The following TET2 variants were observed in gnomAD, a reference collection of about 807,000 sequenced individuals.
The protein encoded by TET2 is tet methylcytosine dioxygenase 2, also known as methylcytosine dioxygenase TET2.
A neutral mutation model predicts 142.9 loss-of-function variants in TET2; 299 were observed. The ratio of observed to expected loss-of-function variants is 2.09; its 90% CI spans 1.90 to 2.30. The LOEUF (loss-of-function observed/expected upper bound fraction) is 2.30, where lower values mean the gene tolerates loss of function less well. Ranked by LOEUF, TET2 falls within the 30% of genes most tolerant of loss-of-function variation. The pLI, the probability that TET2 is intolerant of heterozygous loss-of-function variation, is 0.00. For missense variants in TET2, 2,418 were observed against 2,378.0 expected, an observed-to-expected ratio of 1.02 and a Z score of -0.35; for synonymous variants, 819 against 849.0, an observed-to-expected ratio of 0.96 and a Z score of 0.61.
chr4:105,245,214 G>A (rs537778724), intron 6 of TET2, among the ~76,000 whole-genome samples: 9 of 152,242 alleles, frequency 5.9e-5, no homozygotes, highest in African/African-American at 2.2e-4. Flanking sequence ...TGATAATTAT[G>A]ATCCAAAAAT....
At chr4:105,200,701 A>AT (rs1386864928) in intron 2 of TET2, among the ~76,000 whole-genome samples, 1 of 151,490 alleles carries the variant, frequency 6.6e-6, no homozygotes, top group Non-Finnish European at 1.5e-5. Context: ...TCACGCTGTC[A>AT]CCAGTCTGGA....
At chr4:105,149,963 T>C (rs908551202) in intron 1 of TET2, among the ~76,000 whole-genome samples, 3 of 152,232 alleles carry the variant, frequency 2.0e-5, no homozygotes, top group South Asian at 4.1e-4. Flanking sequence ...TAACAACAAC[T>C]GGAGTTAATG....
Position 105,219,232 on chromosome 4 carries a change from C to T in TET2, c.-46-14665C>T, listed in dbSNP as rs181297927. On this transcript the variant is annotated intron_variant, in intron 2 of 10. Transcript: ENST00000380013. The stretch of plus-strand genomic sequence containing the variant: ...TCTTCATCTTACTCTCAAAAATAAC[C>T]GTAATATCCTACAAATTAACTAAAA... Among the ~76,000 whole-genome samples the T allele has an allele frequency of 9.2e-5, 14 of 152,034 alleles. No homozygotes were observed. The East Asian group carries it at 2.1e-3, about 23-fold the overall frequency.
At chr4:105,203,665 G>C (rs1726612638) in intron 2 of TET2, among the ~76,000 whole-genome samples, 2 of 151,942 alleles carry the variant, frequency 1.3e-5, no homozygotes, top group Admixed American at 1.3e-4. Flanking sequence ...CTGGCTTTGG[G>C]AAACACATCT....
At chr4:105,249,769 T>C (rs1169647024) in intron 6 of TET2, among the ~76,000 whole-genome samples, 2 of 152,212 alleles carry the variant, frequency 1.3e-5, no homozygotes, top group Non-Finnish European at 2.9e-5. Flanking sequence ...AATTGTATTA[T>C]TTTTAGAGTT....
chr4:105,200,856 T>G (rs1301980513), intron 2 of TET2, among the ~76,000 whole-genome samples: 3 of 152,094 alleles, frequency 2.0e-5, no homozygotes, highest in Non-Finnish European at 4.4e-5. Flanking sequence ...AGATGGGGTT[T>G]CACCATGTTG....
chr4:105,192,749 CAAAAT>C (rs775021886), intron 2 of TET2, among the ~76,000 whole-genome samples: 8 of 151,776 alleles, frequency 5.3e-5, no homozygotes, highest in Admixed American at 1.3e-4. Context: ...CAGACACATA[CAAAAT>C]AAAATGTATA....
intron 2 of TET2, among the ~76,000 whole-genome samples, chr4:105,200,230 C>G: frequency 6.6e-6 from 1 of 152,216 alleles, no homozygotes; most frequent in Middle Eastern, 3.4e-3. Context: ...TAATAATAGC[C>G]GTCCTGACTG....
At chr4:105,173,801 G>T (rs900064159) in intron 1 of TET2, among the ~76,000 whole-genome samples, 2 of 152,086 alleles carry the variant, frequency 1.3e-5, no homozygotes, top group African/African-American at 4.8e-5. Context: ...TAGAATTCCT[G>T]TTAACAAAGT....
intron 2 of TET2, among the ~76,000 whole-genome samples, chr4:105,229,506 T>G (rs1728376369): frequency 6.6e-6 from 1 of 152,044 alleles, no homozygotes. Context: ...TGGCGGTGTT[T>G]GACCACGTTG....
chr4:105,267,810 TAA>T (rs1399143689), intron 8 of TET2, among the ~76,000 whole-genome samples: 1 of 151,586 alleles, frequency 6.6e-6, no homozygotes, highest in African/African-American at 2.4e-5. Context: ...ACAAATAAAT[TAA>T]AAAGATATTT....
chr4:105,157,237 AAAG>A (rs1338072851), intron 1 of TET2, among the ~76,000 whole-genome samples: 7 of 152,154 alleles, frequency 4.6e-5, no homozygotes, highest in African/African-American at 1.2e-4. Flanking sequence ...TAACTGATGA[AAAG>A]AAGAATACCA....
chr4:105,248,614 C>G (rs958203766), intron 6 of TET2, among the ~76,000 whole-genome samples: 7 of 152,158 alleles, frequency 4.6e-5, no homozygotes, highest in Non-Finnish European at 1.0e-4. Context: ...ATTAGAAAAT[C>G]AACTTTAAGT....
intron 2 of TET2, among the ~76,000 whole-genome samples, chr4:105,215,482 A>C (rs576242827): frequency 3.9e-5 from 6 of 152,312 alleles, no homozygotes; most frequent in Non-Finnish European, 1.5e-5. Flanking sequence ...TTTTATTTAA[A>C]ATTTAAATTA....
At chr4:105,241,282 G>A in intron 3 of TET2, 57 bp from the exon 4 acceptor site, 1 of 1,488,736 alleles carries the variant, frequency 6.7e-7, no homozygotes. Flanking sequence ...TGTGGATGTA[G>A]CCTTTATATT....
rs1168368034 is a variant in TET2 at position 105,275,376 on chromosome 4, G to A, written c.4866G>A (p.Leu1622=). 1 of 1,551,614 alleles carries A rather than the reference G, an allele frequency of 6.4e-7. No individual in the cohort carries two copies. The highest frequency in any genetic ancestry group is 8.7e-7 in the Non-Finnish European group (1 of 1,146,972). Residue 1622 remains leucine (L), a synonymous_variant, in exon 11 of 11, where the codon TTG becomes TTA. Transcript: ENST00000380013. ...CCATGAACCCTTACCCTGGGCTTTT[G>A]AATCAGAATACCCAATATCCATCAT... ...SNPMNPYPGL[L]NQNTQYPSYQ... is the part of the protein sequence containing the mutation.
chr4:105,220,725 C>T (rs1373292036), intron 2 of TET2, among the ~76,000 whole-genome samples: 1 of 152,168 alleles, frequency 6.6e-6, no homozygotes, highest in Admixed American at 6.6e-5. Flanking sequence ...TACTGGCTTT[C>T]TTGACATATA....
At chr4:105,175,570 C>T (rs576718735) in intron 1 of TET2, among the ~76,000 whole-genome samples, 2 of 151,892 alleles carry the variant, frequency 1.3e-5, no homozygotes, top group Admixed American at 1.3e-4. Flanking sequence ...AGAGATTATT[C>T]AAGAACTGCA....
At chr4:105,223,132 T>C (rs955136048) in intron 2 of TET2, among the ~76,000 whole-genome samples, 2 of 152,156 alleles carry the variant, frequency 1.3e-5, no homozygotes, top group African/African-American at 4.8e-5. Flanking sequence ...TCAAGAGATG[T>C]GAAGTACATC....
Sources: allele counts gnomAD v4.1 joint callset (sites outside exome capture counted in the v4.1 genomes callset), GRCh38; gene constraint gnomAD v4.1.1; transcripts MANE v1.5; gene names NCBI Gene and HGNC (gene_info 2026-07-23, HGNC 2026-07-21).